ZC3H11A: variants seen among roughly 807,000 people sequenced by gnomAD.
ZC3H11A encodes zinc finger CCCH-type containing 11A.
ZC3H11A carries 22 observed loss-of-function variants against 90.8 expected under a neutral mutation model. The ratio of observed to expected loss-of-function variants is 0.24; its 90% CI spans 0.17 to 0.35. ZC3H11A has a LOEUF of 0.35. Among genes scored for constraint, ZC3H11A ranks in the 10% least tolerant of loss-of-function variants. The probability of loss-of-function intolerance (pLI) is 1.00; values close to 1 mark genes in which losing one functional copy is unlikely to be tolerated. For synonymous variants in ZC3H11A, 294 were observed against 339.8 expected, an observed-to-expected ratio of 0.87 and a Z score of 1.48; for missense variants, 701 against 964.9, an observed-to-expected ratio of 0.73 and a Z score of 3.62.
In ZC3H11A at chr1:203,833,851, C is replaced by T; in HGVS notation, c.872C>T (p.Ala291Val). The T allele has an allele frequency of 1.9e-6, 3 of 1,609,582 alleles. No homozygotes were observed. In the South Asian group the frequency reaches 3.3e-5, roughly 18 times the overall value. Residue 291 changes from alanine (A) to valine (V), a missense_variant and splice_region_variant, in exon 10 of 18, where the codon GCA becomes GTA. Transcript: ENST00000367210. ...TERLGKRKFS[A>V]GGDSDPPLKR... Reference sequence around the variant, plus strand: ...AGACTGGGGAAACGAAAATTTTCAGCAGGTAAGATAAGTTTTGTGTATATC... The same window carrying T: ...AGACTGGGGAAACGAAAATTTTCAGTAGGTAAGATAAGTTTTGTGTATATC...
At chr1:203,831,469 C>G (rs952244457) in intron 8 of ZC3H11A, among the ~76,000 whole-genome samples, 192 bp from the exon 9 acceptor site, 6 of 152,090 alleles carry the variant, frequency 3.9e-5, no homozygotes, top group African/African-American at 1.4e-4. Flanking sequence ...ATTTTGTTTT[C>G]ACATCATGCC....
chr1:203,819,424 G>A (rs1040208705), intron 4 of ZC3H11A, among the ~76,000 whole-genome samples: 3 of 150,826 alleles, frequency 2.0e-5, no homozygotes, highest in South Asian at 4.2e-4. Flanking sequence ...GTTTTACCAC[G>A]CAGGCCAGGC....
Position 203,840,316 on chromosome 1 carries a change from C to T in ZC3H11A, c.984C>T (p.Ser328=). The T allele has an allele frequency of 6.2e-7, 1 of 1,612,050 alleles. No individual in the cohort carries two copies. Among genetic ancestry groups the T allele is most frequent in the Non-Finnish European group, 8.5e-7 (1 of 1,178,928 alleles). The part of the protein sequence containing the change: ...IDKTPKKAQV[S]KSLKERLGMS... The stretch of plus-strand genomic sequence containing the variant: ...TCTTTCTTTTCACAGCTCAAGTTTC[C>T]AAGTCTCTTAAGGAGCGATTAGGCA... Residue 328 remains serine, a synonymous_variant, in exon 12 of 18, where the codon TCC becomes TCT. Transcript: ENST00000367210.
chr1:203,801,371 C>T (rs1670511981), intron 1 of ZC3H11A: 1 of 152,100 alleles, frequency 6.6e-6, no homozygotes, highest in Non-Finnish European at 1.5e-5. Flanking sequence ...TTAATGAAAA[C>T]TAAGCAGTCG....
At position 203,797,720 on chromosome 1, in the gene ZC3H11A, G is replaced by A. The variant is rs183154956; in HGVS notation, c.-1588+1926G>A. The A allele has an allele frequency of 2.5e-4, 380 of 1,535,172 alleles. 2 individuals carry two copies. In the African/African-American group the frequency reaches 4.0e-3, roughly 16 times the overall value. ...AGCCTGCTAAAAAGAAAAGAAAGAA[G>A]GGTTTGCGAATTAAGGGGAAAAGGC... On this transcript the variant is annotated intron_variant, in intron 1 of 17. Transcript: ENST00000367210.
chr1:203,824,824 A>G (rs1337218161), intron 4 of ZC3H11A, among the ~76,000 whole-genome samples: 1 of 152,214 alleles, frequency 6.6e-6, no homozygotes, highest in Non-Finnish European at 1.5e-5. Flanking sequence ...TCACGCCTGT[A>G]ATCCCAGCAC....
chr1:203,831,899 T>A, intron 9 of ZC3H11A, 128 bp downstream of exon 9: 1 of 711,414 alleles, frequency 1.4e-6, no homozygotes, highest in Non-Finnish European at 2.3e-6. Flanking sequence ...TGAGATAATC[T>A]AAAGATGAAA....
At chr1:203,850,077 T>C (rs759849256) in intron 15 of ZC3H11A, 51 bp downstream of exon 15, 2 of 1,564,484 alleles carry the variant, frequency 1.3e-6, no homozygotes, top group Non-Finnish European at 8.7e-7. Context: ...ATTACCAAAT[T>C]CAACCCAATT....
chr1:203,837,008 TAA>T (rs1342030296), intron 10 of ZC3H11A, among the ~76,000 whole-genome samples: 1 of 152,150 alleles, frequency 6.6e-6, no homozygotes, highest in Non-Finnish European at 1.5e-5. Context: ...GCTGACCAGT[TAA>T]GATTTTTGGG....
At chr1:203,846,871 GT>G (rs1043408095) in intron 12 of ZC3H11A, among the ~76,000 whole-genome samples, 23 of 152,224 alleles carry the variant, frequency 1.5e-4, no homozygotes, top group African/African-American at 5.3e-4. Flanking sequence ...GGGCTTGGTG[GT>G]GGGTACCTGT....
intron 2 of ZC3H11A, chr1:203,805,683 A>T (rs1672077999): frequency 5.9e-6 from 4 of 676,050 alleles, no homozygotes; most frequent in Non-Finnish European, 1.1e-5. Flanking sequence ...TTTTTGTGAC[A>T]GTGGGAACAC....
At chr1:203,845,941 G>GTA (rs1034458774) in intron 12 of ZC3H11A, among the ~76,000 whole-genome samples, 7 of 151,932 alleles carry the variant, frequency 4.6e-5, no homozygotes, top group African/African-American at 1.7e-4. Flanking sequence ...AGAGGGAATA[G>GTA]TATACTCAGG....
intron 5 of ZC3H11A, 145 bp downstream of exon 5, chr1:203,828,567 T>C (rs1488355612): frequency 9.3e-7 from 1 of 1,071,658 alleles, no homozygotes; most frequent in African/African-American, 1.6e-5. Flanking sequence ...AACTGAATCT[T>C]ATTAAGGTTA....
chr1:203,829,499 G>A lies in ZC3H11A; in HGVS notation c.347G>A (p.Ser116Asn). The change falls in exon 6 of 18, where the codon AGC (serine) becomes AAC (asparagine). Residue 116 changes from serine (S) to asparagine (N), a missense_variant. Physicochemically the swap from Ser to Asn is conservative, Grantham distance 46. Transcript: ENST00000367210. ...PESPEEEVKA[S>N]QLSVQQNKLS... ...TCACCAGAAGAGGAAGTGAAGGCTA[G>A]CCAACTTTCAGTTCAGCAGAACAAA... 1 of 1,613,976 alleles carries A rather than the reference G, an allele frequency of 6.2e-7. No homozygotes were observed. The highest frequency in any genetic ancestry group is 8.5e-7 in the Non-Finnish European group (1 of 1,179,908).
intron 11 of ZC3H11A, 47 bp downstream of exon 11, chr1:203,838,111 T>A: frequency 2.6e-6 from 4 of 1,534,142 alleles, no homozygotes; most frequent in Non-Finnish European, 3.6e-6. Flanking sequence ...ATTATGACAC[T>A]TGTGTCTTGT....
intron 12 of ZC3H11A, among the ~76,000 whole-genome samples, chr1:203,846,166 G>T: frequency 6.7e-6 from 1 of 149,094 alleles, no homozygotes. Flanking sequence ...TTTTTGGGGG[G>T]GGGGTTCATT....
rs1388768975 is a variant in ZC3H11A at position 203,829,505 on chromosome 1, T to C, written c.353T>C (p.Leu118Pro). The C allele has an allele frequency of 1.2e-6, 2 of 1,614,022 alleles. No homozygotes were observed. Among genetic ancestry groups the C allele is most frequent in the South Asian group, 2.2e-5 (2 of 91,078 alleles). Residue 118 changes from leucine (L) to proline (P), a missense_variant, in exon 6 of 18, where the codon CTT becomes CCT. By Grantham distance (98) the Leu-to-Pro change is moderately conservative (BLOSUM62 -3). Coordinates refer to ENST00000367210, the MANE Select transcript of ZC3H11A (RefSeq NM_001376342.1). ...SPEEEVKASQ[L>P]SVQQNKLSVQ... is the part of the protein sequence containing the mutation. Reference sequence around the variant, plus strand: ...GAAGAGGAAGTGAAGGCTAGCCAACTTTCAGTTCAGCAGAACAAATTGTCT... The same window carrying C: ...GAAGAGGAAGTGAAGGCTAGCCAACCTTCAGTTCAGCAGAACAAATTGTCT...
chr1:203,850,724 A>G (rs1264819686), intron 16 of ZC3H11A, 43 bp downstream of exon 16: 1 of 1,583,484 alleles, frequency 6.3e-7, no homozygotes, highest in African/African-American at 1.4e-5. Context: ...TCTGTGTGGT[A>G]GGAAAGCAGG....
In ZC3H11A at chr1:203,847,669, C is replaced by G. The variant is rs766842587; in HGVS notation, c.1528C>G (p.Arg510Gly). Residue 510 changes from arginine to glycine, a missense_variant, in exon 13 of 18, where the codon CGA becomes GGA. Arg to Gly is a moderately radical substitution (Grantham distance 125, BLOSUM62 -2). Coordinates refer to ENST00000367210, the MANE Select transcript of ZC3H11A (RefSeq NM_001376342.1). ...CACTCCAGGGGCAAGGCGGCTGCTG[C>G]GAATCACCAAAAGAACAGGTAACAA... ...EATPGARRLL[R>G]ITKRTGMKEE... 4 of 1,612,174 alleles carry G rather than the reference C, an allele frequency of 2.5e-6. No individual in the cohort carries two copies. In the South Asian group the frequency reaches 4.4e-5, roughly 18 times the overall value.
Sources: gnomAD v4.1 joint callset for allele counts (sites outside exome capture counted in the v4.1 genomes callset) on GRCh38, gnomAD v4.1.1 for gene constraint, MANE v1.5 for transcripts, NCBI Gene and HGNC (gene_info 2026-07-23, HGNC 2026-07-21) for gene names.